Variants in RIMS2 observed in about 807,000 individuals in gnomAD.
RIMS2 encodes regulating synaptic membrane exocytosis protein 2.
A neutral mutation model predicts 174.4 loss-of-function variants in RIMS2; 59 were observed. The observed-to-expected ratio is 0.34, with a 90% confidence interval of 0.27 to 0.42. The LOEUF is 0.42. Among genes scored for constraint, RIMS2 ranks in the 10% least tolerant of loss-of-function variants. The pLI is 1.00. For missense variants in RIMS2, 1,620 were observed against 1,666.3 expected (o/e 0.97, Z 0.48); for synonymous variants, 606 against 572.5 (o/e 1.06, Z -0.84).
intron 19 of RIMS2, among the ~76,000 whole-genome samples, chr8:104,040,194 T>G (rs2096585239): frequency 6.6e-6 from 1 of 151,732 alleles, no homozygotes; most frequent in South Asian, 2.1e-4. Flanking sequence ...AAGTATATTT[T>G]GATGCAATAT....
At chr8:104,000,243 A>G (rs967734195) in intron 17 of RIMS2, among the ~76,000 whole-genome samples, 3 of 151,582 alleles carry the variant, frequency 2.0e-5, no homozygotes, top group African/African-American at 7.3e-5. Flanking sequence ...CTACCATTCT[A>G]TTCACTGCCT....
At chr8:103,759,733 C>A (rs1239224323) in intron 2 of RIMS2, among the ~76,000 whole-genome samples, 4 of 152,092 alleles carry the variant, frequency 2.6e-5, no homozygotes, top group African/African-American at 9.7e-5. Context: ...GAAGAAGCTG[C>A]AGAATAGACA....
intron 3 of RIMS2, among the ~76,000 whole-genome samples, chr8:103,791,249 A>G (rs2098496141): frequency 1.3e-5 from 2 of 152,210 alleles, no homozygotes; most frequent in Non-Finnish European, 1.5e-5. Flanking sequence ...AAGCCAGAAG[A>G]GAATAGGGGC....
intron 17 of RIMS2, among the ~76,000 whole-genome samples, chr8:103,992,514 A>G (rs546001951): frequency 6.6e-6 from 1 of 152,034 alleles, no homozygotes; most frequent in South Asian, 2.1e-4. Flanking sequence ...AAAAATGGGC[A>G]TGTTTATTCA....
At chr8:104,068,121 A>T (rs1275117120) in intron 19 of RIMS2, among the ~76,000 whole-genome samples, 1 of 152,210 alleles carries the variant, frequency 6.6e-6, no homozygotes, top group Non-Finnish European at 1.5e-5. Context: ...AAAGCAACTT[A>T]TAACTTTAAT....
chr8:103,941,940 CAG>C (rs1186695394), intron 13 of RIMS2, among the ~76,000 whole-genome samples: 1 of 152,094 alleles, frequency 6.6e-6, no homozygotes, highest in Non-Finnish European at 1.5e-5. Flanking sequence ...ATAATTATGA[CAG>C]AGAATATGGC....
rs116869959 is a variant in RIMS2 at position 103,940,625 on chromosome 8, C to T, written c.2548-2148C>T. Among the ~76,000 whole-genome samples the T allele has an allele frequency of 2.6e-3, 388 of 152,048 alleles. 1 individual carries two copies. The highest frequency in any genetic ancestry group is 4.7e-3 in the Non-Finnish European group (317 of 67,992). On this transcript the variant is annotated intron_variant, in intron 13 of 23. Transcript: ENST00000504942. ...AAAACTAAAAACCCTTCTGTATTTCCAGCACTTTGGGAGGCCGAGGGGGGC... is the reference window on the plus strand; with the variant it reads ...AAAACTAAAAACCCTTCTGTATTTCTAGCACTTTGGGAGGCCGAGGGGGGC...
intron 3 of RIMS2, among the ~76,000 whole-genome samples, chr8:103,822,721 A>G (rs773510672): frequency 2.0e-5 from 3 of 151,932 alleles, no homozygotes; most frequent in Non-Finnish European, 4.4e-5. Context: ...TGCATCCTGC[A>G]TAAACTCACT....
chr8:103,838,952 C>T (rs1019301666), intron 3 of RIMS2, among the ~76,000 whole-genome samples: 3 of 152,096 alleles, frequency 2.0e-5, no homozygotes, highest in African/African-American at 7.2e-5. Flanking sequence ...GTAGTCCCAG[C>T]TACTGGGGAG....
intron 19 of RIMS2, among the ~76,000 whole-genome samples, chr8:104,094,892 T>A (rs1036512407): frequency 6.6e-6 from 1 of 152,276 alleles, no homozygotes. Flanking sequence ...TCAAATAGAT[T>A]GATTTATTAA....
At chr8:103,888,595 TA>T (rs1299103325) in intron 4 of RIMS2, among the ~76,000 whole-genome samples, 1 of 151,562 alleles carries the variant, frequency 6.6e-6, no homozygotes, top group African/African-American at 2.4e-5. Context: ...TTGTACCACA[TA>T]AAAATGTAAA....
intron 2 of RIMS2, among the ~76,000 whole-genome samples, chr8:103,759,090 T>G (rs979449958): frequency 3.9e-5 from 6 of 152,196 alleles, no homozygotes; most frequent in Admixed American, 2.6e-4. Context: ...TAGAGGTATG[T>G]TCCAGTCTCT....
intron 19 of RIMS2, among the ~76,000 whole-genome samples, chr8:104,132,381 C>T (rs928887903): frequency 2.0e-5 from 3 of 152,076 alleles, no homozygotes; most frequent in Non-Finnish European, 4.4e-5. Context: ...TATCATATGT[C>T]TCAGGGTATA....
At chr8:103,615,766 G>T (rs746333585) in intron 1 of RIMS2, among the ~76,000 whole-genome samples, 2 of 152,062 alleles carry the variant, frequency 1.3e-5, no homozygotes, top group South Asian at 4.1e-4. Context: ...GAACTAGAAC[G>T]CTTAGAAGAG....
chr8:104,210,920 A>T (rs1178744336), intron 19 of RIMS2, among the ~76,000 whole-genome samples: 5 of 152,214 alleles, frequency 3.3e-5, no homozygotes, highest in Admixed American at 3.3e-4. Context: ...GAGTAAGATG[A>T]TCGACTGCAA....
intron 1 of RIMS2, among the ~76,000 whole-genome samples, chr8:103,531,934 A>G (rs371659059): frequency 5.9e-5 from 9 of 152,258 alleles, no homozygotes; most frequent in African/African-American, 2.2e-4. Flanking sequence ...CAAGAAAAAT[A>G]ATTAGTTAGA....
At chr8:104,247,632 A>T (rs2441808) in intron 20 of RIMS2, among the ~76,000 whole-genome samples, 1 of 152,070 alleles carries the variant, frequency 6.6e-6, no homozygotes, top group Non-Finnish European at 1.5e-5. Flanking sequence ...GAAGAATGAG[A>T]TTACCATTTA....
chr8:103,747,308 G>A lies in RIMS2; in HGVS notation c.388-18919G>A, dbSNP rs960430406. On this transcript the variant is annotated intron_variant, in intron 2 of 23. Coordinates refer to ENST00000504942, the Ensembl canonical transcript of RIMS2. ...CTTCCTGTGTCCAAGTGAGCATGGAGCAGAGAAGCAAAAAATGGTAAGAGA... is the reference window on the plus strand; with the variant it reads ...CTTCCTGTGTCCAAGTGAGCATGGAACAGAGAAGCAAAAAATGGTAAGAGA... 7.0e-4 allele frequency among the ~76,000 whole-genome samples: 100 copies of A among 142,800 alleles called. 1 individual carries two copies. Among genetic ancestry groups the A allele is most frequent in the African/African-American group, 2.6e-3 (98 of 37,858 alleles). 93.7% of individuals were successfully genotyped at this position (142,800 alleles called of 152,430 possible).
intron 1 of RIMS2, among the ~76,000 whole-genome samples, chr8:103,542,498 CATT>C (rs530393354): frequency 2.4e-4 from 36 of 152,288 alleles, no homozygotes; most frequent in African/African-American, 7.7e-4. Flanking sequence ...ATAAAGCTGG[CATT>C]ATGCCAATAT....
Sources: gnomAD v4.1 joint callset for allele counts (sites outside exome capture counted in the v4.1 genomes callset) on GRCh38, gnomAD v4.1.1 for gene constraint, MANE v1.5 for transcripts, NCBI Gene and HGNC (gene_info 2026-07-23, HGNC 2026-07-21) for gene names.